NAALADL2: variants seen among roughly 807,000 people sequenced by gnomAD.
NAALADL2 encodes the protein N-acetylated alpha-linked acidic dipeptidase like 2, also known as inactive N-acetylated-alpha-linked acidic dipeptidase-like protein 2.
NAALADL2 carries 76 observed loss-of-function variants against 87.2 expected under a neutral mutation model. That is an observed-to-expected ratio of 0.87 (90% confidence interval 0.72 to 1.05). The LOEUF is 1.05. Among genes scored for constraint, NAALADL2 ranks in the 50% least tolerant of loss-of-function variants. NAALADL2 has a pLI of 0.00. For missense variants in NAALADL2, 1,089 were observed against 945.8 expected (o/e 1.15, Z -1.99); for synonymous variants, 354 against 331.0 (o/e 1.07, Z -0.75).
chr3:175,786,899 G>A (rs1752056520), intron 13 of NAALADL2, among the ~76,000 whole-genome samples: 1 of 152,112 alleles, frequency 6.6e-6, no homozygotes, highest in African/African-American at 2.4e-5. Context: ...TGGTGTGGAT[G>A]TCCTTTCTGT....
chr3:175,650,624 C>T (rs922288295), intron 11 of NAALADL2, among the ~76,000 whole-genome samples: 2 of 152,076 alleles, frequency 1.3e-5, no homozygotes, highest in Non-Finnish European at 2.9e-5. Flanking sequence ...ATTCTTCCCC[C>T]GAAATGATGA....
chr3:175,063,571 A>G (rs1713968197), intron 1 of NAALADL2, among the ~76,000 whole-genome samples: 1 of 152,014 alleles, frequency 6.6e-6, no homozygotes, highest in Non-Finnish European at 1.5e-5. Flanking sequence ...CCACCTTCTG[A>G]GCCCAAGCAG....
chr3:174,905,418 C>T (rs993761934), intron 1 of NAALADL2, among the ~76,000 whole-genome samples: 12 of 150,758 alleles, frequency 8.0e-5, no homozygotes, highest in African/African-American at 2.9e-4. Context: ...ATAAGTTTCA[C>T]AATTCATGTA....
At chr3:174,830,565 C>T (rs913745927) in intron 3 of NAALADL2, among the ~76,000 whole-genome samples, 12 of 151,540 alleles carry the variant, frequency 7.9e-5, no homozygotes, top group Non-Finnish European at 1.8e-4. Context: ...CAGCTTTGTT[C>T]TTTTGGCTTA....
At chr3:174,885,995 G>T (rs112013662) in intron 1 of NAALADL2, among the ~76,000 whole-genome samples, 3,564 of 137,234 alleles carry the variant, frequency 0.026, 135 homozygotes, top group African/African-American at 0.084. Flanking sequence ...CTCACTGCAA[G>T]CTCCGCCTCC....
intron 2 of NAALADL2, among the ~76,000 whole-genome samples, 193 bp downstream of exon 2, chr3:175,097,484 G>A (rs114700978): frequency 1.1e-3 from 169 of 152,216 alleles, no homozygotes; most frequent in African/African-American, 4.1e-3. Context: ...ATATAAATTT[G>A]TGATGCAGTT....
At chr3:174,499,695 T>C (rs1455821105) in intron 1 of NAALADL2, among the ~76,000 whole-genome samples, 1 of 152,116 alleles carries the variant, frequency 6.6e-6, no homozygotes, top group African/African-American at 2.4e-5. Context: ...TTCCACTAAA[T>C]TGTCTTTTTT....
intron 1 of NAALADL2, among the ~76,000 whole-genome samples, chr3:175,050,674 A>G (rs1580194848): frequency 6.6e-6 from 1 of 152,310 alleles, no homozygotes; most frequent in African/African-American, 2.4e-5. Context: ...TAGTTGAGGA[A>G]TTACCATACT....
intron 1 of NAALADL2, among the ~76,000 whole-genome samples, chr3:174,913,177 C>A (rs1733929122): frequency 6.6e-6 from 1 of 152,026 alleles, no homozygotes; most frequent in African/African-American, 2.4e-5. Flanking sequence ...AGAACTTTCC[C>A]TATAAATTAT....
rs889359349 is a variant in NAALADL2 at position 175,021,370 on chromosome 3, T to A, written c.44-75420T>A. 7.9e-5 allele frequency among the ~76,000 whole-genome samples: 12 copies of A among 152,034 alleles called. No homozygotes were observed. The East Asian group carries it at 2.1e-3, about 27-fold the overall frequency. On this transcript the variant is annotated intron_variant, in intron 1 of 13. Coordinates refer to ENST00000454872, the MANE Select transcript of NAALADL2 (RefSeq NM_207015.3). ...GTCAATAAATATTTGAGTAAAGAAA[T>A]ATTTTATAAACCAACACAGTGCCTA... is the stretch of plus-strand genomic sequence containing the variant.
chr3:174,935,704 C>T (rs1186102282), intron 1 of NAALADL2, among the ~76,000 whole-genome samples: 1 of 151,868 alleles, frequency 6.6e-6, no homozygotes, highest in Non-Finnish European at 1.5e-5. Flanking sequence ...CTAATGAATG[C>T]CTTGTATAAT....
intron 5 of NAALADL2, among the ~76,000 whole-genome samples, chr3:175,378,891 C>A (rs1767463580): frequency 6.6e-6 from 1 of 152,282 alleles, no homozygotes; most frequent in Middle Eastern, 3.4e-3. Flanking sequence ...AAATGCAGGA[C>A]ATCACAGTTA....
chr3:175,160,360 CTTTTTTTTTTTTT>C (rs71164618), intron 2 of NAALADL2, among the ~76,000 whole-genome samples: 2 of 57,036 alleles, frequency 3.5e-5, no homozygotes, highest in Non-Finnish European at 7.5e-5. Context: ...TCTTTTCTTT[CTTTTTTTTTTTTT>C]TTTTTTTTTT....
At chr3:175,176,599 TG>T (rs968633769) in intron 2 of NAALADL2, among the ~76,000 whole-genome samples, 2 of 152,012 alleles carry the variant, frequency 1.3e-5, no homozygotes, top group Non-Finnish European at 2.9e-5. Context: ...TTTGGATCAG[TG>T]GGGTGGGCCT....
chr3:174,842,480 G>A (rs1342548288), intron 3 of NAALADL2, among the ~76,000 whole-genome samples: 1 of 152,194 alleles, frequency 6.6e-6, no homozygotes, highest in Non-Finnish European at 1.5e-5. Flanking sequence ...GGAACTTACA[G>A]TGGACTTACA....
intron 2 of NAALADL2, among the ~76,000 whole-genome samples, chr3:175,108,844 G>C (rs1723700285): frequency 6.6e-6 from 1 of 151,718 alleles, no homozygotes; most frequent in Non-Finnish European, 1.5e-5. Context: ...TATTCCATTG[G>C]GACAGCCAAG....
intron 1 of NAALADL2, among the ~76,000 whole-genome samples, chr3:174,538,993 T>C (rs1247263209): frequency 2.0e-5 from 3 of 152,220 alleles, no homozygotes; most frequent in Non-Finnish European, 4.4e-5. Context: ...GTCCTTAACC[T>C]TGGCAAAACA....
chr3:174,975,333 G>C (rs935775909), intron 1 of NAALADL2, among the ~76,000 whole-genome samples: 1 of 152,120 alleles, frequency 6.6e-6, no homozygotes, highest in Non-Finnish European at 1.5e-5. Context: ...TCATTGGGAA[G>C]AAGTCCTAAA....
chr3:175,300,863 C>A, intron 4 of NAALADL2, among the ~76,000 whole-genome samples: 1 of 151,690 alleles, frequency 6.6e-6, no homozygotes, highest in East Asian at 1.9e-4. Flanking sequence ...CTGCCAAAGC[C>A]TCCTGAGTAG....
Sources: gnomAD v4.1 joint callset for allele counts (sites outside exome capture counted in the v4.1 genomes callset) on GRCh38, gnomAD v4.1.1 for gene constraint, MANE v1.5 for transcripts, NCBI Gene and HGNC (gene_info 2026-07-23, HGNC 2026-07-21) for gene names.